The following UTS2B variants were observed in gnomAD, a reference collection of about 807,000 sequenced individuals.
The protein encoded by UTS2B is urotensin 2B.
A neutral mutation model predicts 19.2 loss-of-function variants in UTS2B; 21 were observed. The observed-to-expected ratio is 1.09, with a 90% CI of 0.78 to 1.58. The LOEUF is 1.58. UTS2B is among the 40% of genes most tolerant of loss of function. The pLI is 0.00. For synonymous variants in UTS2B, 57 were observed against 50.2 expected (o/e 1.14, Z -0.58); for missense variants, 138 against 130.3 (o/e 1.06, Z -0.29).
chr3:191,304,238 G>A (rs1050245134), intron 4 of UTS2B, among the ~76,000 whole-genome samples: 6 of 152,170 alleles, frequency 3.9e-5, no homozygotes, highest in Admixed American at 1.3e-4. Context: ...GATTACAGGC[G>A]TGAGGCACTG....
chr3:191,275,544 G>A (rs1576913470), intron 7 of UTS2B, among the ~76,000 whole-genome samples, 199 bp from the exon 8 acceptor site: 1 of 152,110 alleles, frequency 6.6e-6, no homozygotes, highest in East Asian at 1.9e-4. Context: ...GCTGGGCGTG[G>A]TAGCAGGCAC....
intron 3 of UTS2B, among the ~76,000 whole-genome samples, chr3:191,310,435 T>C (rs917634497): frequency 1.6e-4 from 24 of 152,370 alleles, no homozygotes; most frequent in African/African-American, 5.5e-4. Context: ...AAAAGATTAA[T>C]GATCCCTAAG....
At chr3:191,269,340 A>C (rs1716025499) in intron 8 of UTS2B, among the ~76,000 whole-genome samples, 1 of 152,176 alleles carries the variant, frequency 6.6e-6, no homozygotes, top group South Asian at 2.1e-4. Context: ...ACCACATATA[A>C]ACAGAGTTTT....
At chr3:191,291,656 G>A (rs578205002) in intron 4 of UTS2B, among the ~76,000 whole-genome samples, 20 of 152,216 alleles carry the variant, frequency 1.3e-4, no homozygotes, top group African/African-American at 4.6e-4. Flanking sequence ...GTTTCACCAC[G>A]TTCACCAAGA....
chr3:191,284,430 C>T (rs1716477536), intron 4 of UTS2B, among the ~76,000 whole-genome samples: 1 of 151,722 alleles, frequency 6.6e-6, no homozygotes. Context: ...CAATCGATTC[C>T]CCTGCCTCAG....
intron 6 of UTS2B, chr3:191,277,725 AACTAT>A (rs1716273503): frequency 6.5e-6 from 1 of 154,712 alleles, no homozygotes; most frequent in South Asian, 2.1e-4. Flanking sequence ...AGAAACCTAT[AACTAT>A]AATACTTTTG....
rs1257089823 is a variant in UTS2B at position 191,267,411 on chromosome 3, A to G, written c.*1005T>C. The G allele has an allele frequency of 4.6e-5, 7 of 152,268 alleles. No homozygotes were observed. The highest frequency in any genetic ancestry group is 1.7e-4 in the African/African-American group (7 of 41,476). The allele number at this position is 152,268 out of a possible 1,614,324, so 9.4% of individuals were successfully genotyped here. ...AGAACAAGGTGAAAAAATCATATGC[A>G]TAATAAATGCCAGTTTCTTTATGAT... On this transcript the variant is annotated 3_prime_UTR_variant, in exon 9 of 9. Coordinates refer to ENST00000340524, the MANE Select transcript of UTS2B (RefSeq NM_198152.5).
chr3:191,285,422 A>C (rs989222150), intron 4 of UTS2B, among the ~76,000 whole-genome samples: 8 of 152,194 alleles, frequency 5.3e-5, no homozygotes, highest in Admixed American at 2.0e-4. Flanking sequence ...AGAGAAGAAG[A>C]AGCAAAGAAA....
At chr3:191,333,344 C>A (rs753867668), upstream of UTS2B, among the ~76,000 whole-genome samples, 1 of 152,112 alleles carries the variant, frequency 6.6e-6, no homozygotes, top group Admixed American at 6.5e-5. Flanking sequence ...AAGTTAATGG[C>A]GTACATCCAG....
intron 4 of UTS2B, among the ~76,000 whole-genome samples, chr3:191,286,276 A>C (rs966185846): frequency 6.6e-6 from 1 of 152,216 alleles, no homozygotes; most frequent in Non-Finnish European, 1.5e-5. Flanking sequence ...TTTAAACCAC[A>C]TGAATCTAAC....
chr3:191,322,639 G>C (rs917215923), intron 2 of UTS2B, among the ~76,000 whole-genome samples: 1 of 152,164 alleles, frequency 6.6e-6, no homozygotes, highest in Non-Finnish European at 1.5e-5. Context: ...GGGGACTGGA[G>C]ATATGACAAA....
the UTS2B span, among the ~76,000 whole-genome samples, chr3:191,343,153 C>T: frequency 6.6e-6 from 1 of 152,096 alleles, no homozygotes; most frequent in South Asian, 2.1e-4. Context: ...TGAGTATGCA[C>T]CTATTTTGGT....
intron 8 of UTS2B, among the ~76,000 whole-genome samples, chr3:191,274,525 C>G (rs1234897593): frequency 1.3e-5 from 2 of 152,146 alleles, no homozygotes; most frequent in Non-Finnish European, 2.9e-5. Context: ...CCCAGGCAGT[C>G]TAGCTCTAGA....
chr3:191,339,749 G>A, the UTS2B span, among the ~76,000 whole-genome samples: 1 of 152,222 alleles, frequency 6.6e-6, no homozygotes, highest in South Asian at 2.1e-4. Context: ...TGGACAGTTA[G>A]TGACTGATAA....
chr3:191,341,697 A>G, the UTS2B span, among the ~76,000 whole-genome samples: 8 of 152,206 alleles, frequency 5.3e-5, no homozygotes, highest in Non-Finnish European at 2.9e-5. Context: ...TGAAGTACCA[A>G]TAAGGTGAAT....
chr3:191,268,898 G>T (rs191684528), intron 8 of UTS2B, among the ~76,000 whole-genome samples: 3 of 152,322 alleles, frequency 2.0e-5, no homozygotes, highest in Non-Finnish European at 2.9e-5. Flanking sequence ...GTTGAGTGAA[G>T]AGGAAGGAAG....
At chr3:191,317,352 C>T (rs61563243) in intron 2 of UTS2B, among the ~76,000 whole-genome samples, 8,222 of 152,288 alleles carry the variant, frequency 0.054, 756 homozygotes, top group African/African-American at 0.19. Flanking sequence ...GCAAGCAGCA[C>T]GCGCAGCCCT....
chr3:191,290,488 G>A (rs1300577372), intron 4 of UTS2B, among the ~76,000 whole-genome samples: 1 of 152,116 alleles, frequency 6.6e-6, no homozygotes, highest in Non-Finnish European at 1.5e-5. Flanking sequence ...AGTAAAAGAA[G>A]ACAGTTTTGG....
chr3:191,279,819 T>C (rs1335542219), intron 5 of UTS2B, among the ~76,000 whole-genome samples: 1 of 152,090 alleles, frequency 6.6e-6, no homozygotes, highest in Non-Finnish European at 1.5e-5. Context: ...AAAGTTGATT[T>C]CTAAAGTAAG....
Sources: gnomAD v4.1 joint callset for allele counts (sites outside exome capture counted in the v4.1 genomes callset) on GRCh38, gnomAD v4.1.1 for gene constraint, MANE v1.5 for transcripts, NCBI Gene and HGNC (gene_info 2026-07-23, HGNC 2026-07-21) for gene names.